Variants in LNX2 observed in about 807,000 individuals in gnomAD.
LNX2 encodes ligand of numb-protein X 2, also known as ligand of Numb protein X 2.
LNX2 carries 35 observed loss-of-function variants against 66.2 expected under a neutral mutation model. The observed-to-expected ratio is 0.53, with a 90% confidence interval of 0.40 to 0.70. The LOEUF is 0.70. Ranked by LOEUF, LNX2 falls within the 30% of genes least tolerant of loss-of-function variation. The pLI is 0.00. For synonymous variants in LNX2, 337 were observed against 315.6 expected (o/e 1.07, Z -0.72); for missense variants, 791 against 850.8 (o/e 0.93, Z 0.87).
intron 2 of LNX2, among the ~76,000 whole-genome samples, chr13:27,570,406 T>C (rs555558326): frequency 6.6e-6 from 1 of 152,328 alleles, no homozygotes; most frequent in Admixed American, 6.5e-5. Flanking sequence ...AAAAGTAATA[T>C]TTTCCCTCCT....
chr13:27,586,023 CATACATATAT>C, intron 1 of LNX2, among the ~76,000 whole-genome samples: 1 of 147,572 alleles, frequency 6.8e-6, no homozygotes, highest in East Asian at 2.0e-4. Context: ...TATATACTTA[CATACATATAT>C]ATACTTATAT....
rs1227667311 is a variant in LNX2, at chr13:27,583,255, T to TGCGCGCGCGCGCGCGCGCGCGCGC, written c.-100-1453_-100-1452insGCGCGCGCGCGCGCGCGCGCGCGC. On this transcript the variant is annotated intron_variant, in intron 1 of 9. Transcript: ENST00000316334. Reference sequence around the variant, plus strand: ...GTGTGTGTGTGTGTGTGTGTGTGTGTGCGCGCGTCCTCTCCAACATACTTA... The same window carrying TGCGCGCGCGCGCGCGCGCGCGCGC: ...GTGTGTGTGTGTGTGTGTGTGTGTGTGCGCGCGCGCGCGCGCGCGCGCGCGCGCGCGTCCTCTCCAACATACTTA... Among the ~76,000 whole-genome samples, 4 of 58,530 alleles carry TGCGCGCGCGCGCGCGCGCGCGCGC rather than the reference T, an allele frequency of 6.8e-5. No individual in the cohort carries two copies. The Admixed American group carries it at 7.0e-4, about 10-fold the overall frequency. The allele number at this position is 58,530 out of a possible 152,430, so 38.4% of individuals were successfully genotyped here.
In LNX2 at chr13:27,602,727, C is replaced by T. The variant is rs957632315; in HGVS notation, c.-101+17648G>A. Among the ~76,000 whole-genome samples the T allele has an allele frequency of 3.3e-5, 5 of 152,082 alleles. No individual in the cohort carries two copies. In the East Asian group the frequency reaches 7.7e-4, roughly 23 times the overall value. ...GGTTGAGTCCCAGGGAAGGTAGATG[C>T]TTAGTTTTATAAGTAACCACCATAC... On this transcript the variant is annotated intron_variant, in intron 1 of 9. Transcript: ENST00000316334.
At chr13:27,614,361 T>C (rs1284006360) in intron 1 of LNX2, among the ~76,000 whole-genome samples, 2 of 152,148 alleles carry the variant, frequency 1.3e-5, no homozygotes, top group South Asian at 2.1e-4. Flanking sequence ...GGTTTTTTGG[T>C]TGGACCCACT....
intron 1 of LNX2, among the ~76,000 whole-genome samples, chr13:27,597,805 G>C (rs1286008497): frequency 6.6e-6 from 1 of 152,082 alleles, no homozygotes; most frequent in Non-Finnish European, 1.5e-5. Flanking sequence ...GTAAGAAAAG[G>C]TGTTAGCATA....
intron 2 of LNX2, among the ~76,000 whole-genome samples, chr13:27,576,117 G>T (rs1382724563): frequency 2.0e-5 from 3 of 151,978 alleles, no homozygotes; most frequent in African/African-American, 7.3e-5. Context: ...TAAAGCAAAA[G>T]ACAGAAAAAC....
chr13:27,617,159 A>G (rs1164917205), intron 1 of LNX2, among the ~76,000 whole-genome samples: 6 of 152,168 alleles, frequency 3.9e-5, no homozygotes. Context: ...ACTGCTTTGT[A>G]TTTTCTGAGG....
At position 27,556,408 on chromosome 13, in the gene LNX2, A is replaced by G. The variant is rs766413052; in HGVS notation, c.1374T>C (p.Leu458=). ...YYSRPSSHKD[L]TQCVTCQEKH... ...TTTCTTGGCATGTAACACACTGAGT[A>G]AGATCCTAAAACATACAAGAAAAAA... Residue 458 remains leucine, a synonymous_variant, in exon 7 of 10, where the codon CTT becomes CTC. Coordinates refer to ENST00000316334, the MANE Select transcript of LNX2 (RefSeq NM_153371.4). The G allele has an allele frequency of 2.5e-6, 4 of 1,613,280 alleles. No homozygotes were observed. Among genetic ancestry groups the G allele is most frequent in the Non-Finnish European group, 3.4e-6 (4 of 1,179,506 alleles).
intron 9 of LNX2, among the ~76,000 whole-genome samples, chr13:27,548,938 A>C (rs1034104543): frequency 4.6e-5 from 7 of 152,210 alleles, no homozygotes; most frequent in African/African-American, 1.7e-4. Flanking sequence ...TTATGGATGG[A>C]TGATGAATTG....
At chr13:27,593,267 C>T (rs1181200112) in intron 1 of LNX2, among the ~76,000 whole-genome samples, 3 of 152,114 alleles carry the variant, frequency 2.0e-5, no homozygotes, top group Non-Finnish European at 2.9e-5. Context: ...CTCCCCATCA[C>T]GTACAAAAAC....
In LNX2 at chr13:27,567,727, A is replaced by G. The variant is rs1212527929; in HGVS notation, c.768T>C (p.Pro256=). 2.5e-6 allele frequency: 4 copies of G among 1,613,846 alleles called. No individual in the cohort carries two copies. Among genetic ancestry groups the G allele is most frequent in the Admixed American group, 1.7e-5 (1 of 59,966 alleles). Reference sequence around the variant, plus strand: ...CCTCCTGGATGACAATGTTAATCAAAGGTGTTTCGTTGCCACCCACAATGC... The same window carrying G: ...CCTCCTGGATGACAATGTTAATCAAGGGTGTTTCGTTGCCACCCACAATGC... ...GISIVGGNET[P]LINIVIQEVY... The change falls in exon 4 of 10, where the codon CCT becomes CCC. Residue 256 remains proline, a synonymous_variant. Transcript: ENST00000316334.
At chr13:27,565,981 C>A (rs181732897) in intron 4 of LNX2, among the ~76,000 whole-genome samples, 37 of 152,070 alleles carry the variant, frequency 2.4e-4, no homozygotes, top group Non-Finnish European at 4.9e-4. Flanking sequence ...TTCCCAACAG[C>A]ATCTTATATT....
rs56812051 is a variant in LNX2, at chr13:27,588,021, CAAAAAAAAAAAAAA to C, written c.-100-6232_-100-6219del. Among the ~76,000 whole-genome samples the C allele has an allele frequency of 5.3e-4, 50 of 93,508 alleles. 2 individuals are homozygous for C. The highest frequency in any genetic ancestry group is 1.5e-4 in the Non-Finnish European group (7 of 45,532). The allele number at this position is 93,508 out of a possible 152,430, so 61.3% of individuals were successfully genotyped here. ...GGGCAAGAGTGCGAGACTCTTGTCA[CAAAAAAAAAAAAAA>C]AAAAAAAAAAAAAAAGCAGTGCTGT... On this transcript the variant is annotated intron_variant, in intron 1 of 9. Coordinates refer to ENST00000316334, the MANE Select transcript of LNX2 (RefSeq NM_153371.4).
intron 1 of LNX2, among the ~76,000 whole-genome samples, chr13:27,617,991 C>T (rs571145724): frequency 6.6e-6 from 1 of 152,362 alleles, no homozygotes; most frequent in East Asian, 1.9e-4. Context: ...ATTCCTCAAA[C>T]CCTACTCAAC....
At chr13:27,555,102 C>T (rs946018730) in intron 7 of LNX2, among the ~76,000 whole-genome samples, 1 of 152,166 alleles carries the variant, frequency 6.6e-6, no homozygotes, top group African/African-American at 2.4e-5. Context: ...ATTCACACCA[C>T]CACAGCTAGC....
chr13:27,613,386 A>T (rs1955793529), intron 1 of LNX2, among the ~76,000 whole-genome samples: 1 of 152,148 alleles, frequency 6.6e-6, no homozygotes, highest in Non-Finnish European at 1.5e-5. Flanking sequence ...ATAGGAGAAG[A>T]GACGGAGGTC....
At chr13:27,557,029 T>A (rs553830969) in intron 6 of LNX2, among the ~76,000 whole-genome samples, 1 of 152,318 alleles carries the variant, frequency 6.6e-6, no homozygotes, top group East Asian at 1.9e-4. Context: ...CAAATTAATA[T>A]CTCCTATTTT....
At chr13:27,582,267 C>T (rs1865947580) in intron 1 of LNX2, among the ~76,000 whole-genome samples, 1 of 152,070 alleles carries the variant, frequency 6.6e-6, no homozygotes, top group African/African-American at 2.4e-5. Context: ...AACTCCTGGA[C>T]TCAAGCAATC....
intron 1 of LNX2, among the ~76,000 whole-genome samples, chr13:27,584,581 G>A (rs1005119505): frequency 2.0e-5 from 3 of 152,128 alleles, no homozygotes; most frequent in African/African-American, 7.2e-5. Context: ...AGTTAATTGG[G>A]AGGCTGAGGC....
Sources: gnomAD v4.1 joint callset for allele counts (sites outside exome capture counted in the v4.1 genomes callset) on GRCh38, gnomAD v4.1.1 for gene constraint, MANE v1.5 for transcripts, NCBI Gene and HGNC (gene_info 2026-07-23, HGNC 2026-07-21) for gene names.